TRHDE: variants seen among roughly 807,000 people sequenced by gnomAD.
TRHDE encodes the protein thyrotropin-releasing hormone-degrading ectoenzyme.
TRHDE carries 72 observed loss-of-function variants against 125.7 expected under a neutral mutation model. The ratio of observed to expected loss-of-function variants is 0.57; its 90% CI spans 0.47 to 0.70. TRHDE has a LOEUF of 0.70. TRHDE is among the 30% of genes least tolerant of loss of function. The probability of loss-of-function intolerance (pLI) is 0.00; values close to 1 mark genes in which losing one functional copy is unlikely to be tolerated. For synonymous variants in TRHDE, 509 were observed against 509.1 expected (o/e 1.00, Z 0.00); for missense variants, 1,110 against 1,327.1 (o/e 0.84, Z 2.54).
At chr12:72,109,598 C>T (rs1875270203) in intron 2 of TRHDE, among the ~76,000 whole-genome samples, 1 of 151,054 alleles carries the variant, frequency 6.6e-6, no homozygotes, top group African/African-American at 2.4e-5. Context: ...GCTGTCAAAG[C>T]TTTAAGTTAA....
intron 2 of TRHDE, among the ~76,000 whole-genome samples, chr12:72,359,727 A>G (rs1331930202): frequency 1.3e-5 from 2 of 151,730 alleles, no homozygotes; most frequent in Non-Finnish European, 3.0e-5. Context: ...TTGACATGCA[A>G]ATACAGTGCA....
At chr12:72,109,840 A>G (rs1875276558) in intron 2 of TRHDE, among the ~76,000 whole-genome samples, 1 of 152,098 alleles carries the variant, frequency 6.6e-6, no homozygotes, top group South Asian at 2.1e-4. Flanking sequence ...GGCTGAGCAC[A>G]TTCCCTTTCT....
chr12:72,118,230 C>A (rs1325622946), intron 2 of TRHDE, among the ~76,000 whole-genome samples: 1 of 151,810 alleles, frequency 6.6e-6, no homozygotes, highest in Non-Finnish European at 1.5e-5. Flanking sequence ...TCCTTCTATA[C>A]CCAGTTTTAT....
In TRHDE at chr12:72,409,369, T is replaced by C. The variant is rs73342695; in HGVS notation, c.1315+31248T>C. Among the ~76,000 whole-genome samples, 409 of 152,264 alleles carry C rather than the reference T, an allele frequency of 2.7e-3. 2 individuals are homozygous for C. The highest frequency in any genetic ancestry group is 9.6e-3 in the African/African-American group (397 of 41,554). On this transcript the variant is annotated intron_variant, in intron 3 of 18. Transcript: ENST00000261180. Reference sequence around the variant, plus strand: ...AACAACAGGTACTATCTAATAGAAATAGAAACACATGGTGGAGCAGATCCT... The same window carrying C: ...AACAACAGGTACTATCTAATAGAAACAGAAACACATGGTGGAGCAGATCCT...
intron 3 of TRHDE, among the ~76,000 whole-genome samples, chr12:72,407,726 A>G (rs547850112): frequency 3.7e-4 from 56 of 152,332 alleles, no homozygotes; most frequent in African/African-American, 1.3e-3. Context: ...TTAAACTTGA[A>G]TAAAAGTGGA....
chr12:72,451,577 T>TG (rs1875572076), intron 3 of TRHDE, among the ~76,000 whole-genome samples: 12 of 148,448 alleles, frequency 8.1e-5, no homozygotes, highest in Non-Finnish European at 1.5e-4. Flanking sequence ...TGGCTTTGTT[T>TG]TTTGTTGTTG....
intron 7 of TRHDE, among the ~76,000 whole-genome samples, chr12:72,554,189 G>T (rs959789247): frequency 6.6e-6 from 1 of 152,068 alleles, no homozygotes; most frequent in Admixed American, 6.5e-5. Flanking sequence ...GAACATTTTG[G>T]CTTCTCTTGG....
chr12:72,371,961 C>A (rs996263738), intron 2 of TRHDE, among the ~76,000 whole-genome samples: 1 of 152,146 alleles, frequency 6.6e-6, no homozygotes, highest in Non-Finnish European at 1.5e-5. Flanking sequence ...CCTGAGGAAT[C>A]GCCACACTGA....
chr12:72,562,320 T>G (rs2272506), intron 8 of TRHDE, 90 bp downstream of exon 8: 114,385 of 596,672 alleles, frequency 0.19, 17,238 homozygotes, highest in African/African-American at 0.54. Flanking sequence ...TGACACCTGA[T>G]AGTTTGTTTT....
intron 12 of TRHDE, among the ~76,000 whole-genome samples, chr12:72,588,343 C>G (rs1194022583): frequency 6.6e-6 from 1 of 152,134 alleles, no homozygotes. Flanking sequence ...AGGGAACCAT[C>G]TGAGTAGAGC....
At chr12:72,333,425 C>T (rs528612313) in intron 2 of TRHDE, among the ~76,000 whole-genome samples, 33 of 152,152 alleles carry the variant, frequency 2.2e-4, no homozygotes, top group African/African-American at 6.0e-4. Context: ...GTAATCCGGG[C>T]GAAGAGAATT....
intron 5 of TRHDE, among the ~76,000 whole-genome samples, chr12:72,490,371 A>C (rs916106893): frequency 8.6e-5 from 13 of 151,898 alleles, no homozygotes; most frequent in Non-Finnish European, 1.8e-4. Flanking sequence ...AGTCTTGTAC[A>C]CTTGGTAGGA....
chr12:72,379,400 A>G (rs1872044225), intron 3 of TRHDE, among the ~76,000 whole-genome samples: 1 of 152,222 alleles, frequency 6.6e-6, no homozygotes, highest in East Asian at 1.9e-4. Context: ...CTGTATTTCA[A>G]CTTCCCTGTT....
At position 72,494,220 on chromosome 12, in the gene TRHDE, T is replaced by G. The variant is rs191843124; in HGVS notation, c.1585-5278T>G. On this transcript the variant is annotated intron_variant, in intron 5 of 18. Transcript: ENST00000261180. ...AATGGCAGATATCCAGTCTGGAGGCTTCTATGTATCTGCCTTTTATCCTAG... is the reference window on the plus strand; with the variant it reads ...AATGGCAGATATCCAGTCTGGAGGCGTCTATGTATCTGCCTTTTATCCTAG... 2.7e-3 allele frequency among the ~76,000 whole-genome samples: 410 copies of G among 152,186 alleles called. 3 individuals carry two copies. The highest frequency in any genetic ancestry group is 9.1e-3 in the African/African-American group (380 of 41,574).
At chr12:72,519,488 G>T (rs1202605330) in intron 6 of TRHDE, among the ~76,000 whole-genome samples, 1 of 152,128 alleles carries the variant, frequency 6.6e-6, no homozygotes, top group Non-Finnish European at 1.5e-5. Flanking sequence ...TTGGTTTTCA[G>T]CTCCATCAGC....
intron 2 of TRHDE, among the ~76,000 whole-genome samples, chr12:72,305,554 T>A (rs1868327773): frequency 6.6e-6 from 1 of 152,224 alleles, no homozygotes; most frequent in Admixed American, 6.5e-5. Context: ...GGTTCTAGCA[T>A]TTTCAATAGG....
intron 2 of TRHDE, among the ~76,000 whole-genome samples, chr12:72,298,268 T>A (rs910919635): frequency 2.6e-5 from 4 of 152,148 alleles, no homozygotes; most frequent in Admixed American, 6.5e-5. Flanking sequence ...CAGCCAGTTA[T>A]TTTTTTCCTT....
chr12:72,103,334 T>C (rs548689085), intron 1 of TRHDE, among the ~76,000 whole-genome samples: 2 of 152,294 alleles, frequency 1.3e-5, no homozygotes, highest in South Asian at 4.1e-4. Context: ...AAATAATTAT[T>C]ATTTCAATGA....
intron 2 of TRHDE, among the ~76,000 whole-genome samples, chr12:72,377,304 C>CTTTTTTTTTTTTTT (rs200021223): frequency 5.4e-5 from 7 of 130,412 alleles, no homozygotes; most frequent in African/African-American, 1.7e-4. Flanking sequence ...TTGCTTTAGG[C>CTTTTTTTTTTTTTT]TTTTTTTTTT....
Sources: gnomAD v4.1 joint callset for allele counts (sites outside exome capture counted in the v4.1 genomes callset) on GRCh38, gnomAD v4.1.1 for gene constraint, MANE v1.5 for transcripts, NCBI Gene and HGNC (gene_info 2026-07-23, HGNC 2026-07-21) for gene names.